INPP5D: variants seen among roughly 807,000 people sequenced by gnomAD.
The protein encoded by INPP5D is phosphatidylinositol 3,4,5-trisphosphate 5-phosphatase 1.
A neutral mutation model predicts 122.9 loss-of-function variants in INPP5D; 33 were observed. That is an observed-to-expected ratio of 0.27 (90% confidence interval 0.20 to 0.36). The LOEUF is 0.36. Ranked by LOEUF, INPP5D falls within the 10% of genes least tolerant of loss-of-function variation. The probability of loss-of-function intolerance (pLI) is 1.00; values close to 1 mark genes in which losing one functional copy is unlikely to be tolerated. For missense variants in INPP5D, 1,053 were observed against 1,412.7 expected, an observed-to-expected ratio of 0.75 and a Z score of 4.08; for synonymous variants, 584 against 576.2, an observed-to-expected ratio of 1.01 and a Z score of -0.19.
chr2:233,098,135 C>A (rs894114398), intron 2 of INPP5D, among the ~76,000 whole-genome samples: 5 of 152,112 alleles, frequency 3.3e-5, no homozygotes, highest in African/African-American at 4.8e-5. Flanking sequence ...TTAAGTGATC[C>A]ACCTGCCTCA....
At chr2:233,199,208 A>T (rs1438841131) in intron 25 of INPP5D, among the ~76,000 whole-genome samples, 1 of 149,140 alleles carries the variant, frequency 6.7e-6, no homozygotes, top group African/African-American at 2.5e-5. Context: ...ACTGCACTCC[A>T]GCCTGGGCAA....
At chr2:233,103,567 G>A (rs561459244) in intron 2 of INPP5D, among the ~76,000 whole-genome samples, 6 of 152,242 alleles carry the variant, frequency 3.9e-5, no homozygotes, top group African/African-American at 1.4e-4. Flanking sequence ...AGAACTTAGA[G>A]GAAGGAACCT....
intron 6 of INPP5D, chr2:233,140,804 G>A (rs1281112661): frequency 1.3e-5 from 2 of 152,220 alleles, no homozygotes; most frequent in Admixed American, 6.5e-5. Context: ...GAAGTGCTGG[G>A]ATTACAGGTG....
At chr2:233,086,121 C>CTTTCTTTCTTTCTTTCTT (rs1691828042) in intron 2 of INPP5D, among the ~76,000 whole-genome samples, 2 of 67,332 alleles carry the variant, frequency 3.0e-5, no homozygotes, top group African/African-American at 7.5e-5. Context: ...AAGATAGCCT[C>CTTTCTTTCTTTCTTTCTT]TTTCTTTCTT....
At chr2:233,103,279 G>A (rs571535370) in intron 2 of INPP5D, among the ~76,000 whole-genome samples, 1 of 152,352 alleles carries the variant, frequency 6.6e-6, no homozygotes, top group East Asian at 1.9e-4. Flanking sequence ...GTCAAAGTGA[G>A]CCCTGGGGTA....
Position 233,180,884 on chromosome 2 carries a change from G to T in INPP5D, c.2072-1526G>T, listed in dbSNP as rs192926976. Among the ~76,000 whole-genome samples the T allele has an allele frequency of 3.4e-3, 508 of 149,550 alleles. 21 individuals carry two copies. The highest frequency in any genetic ancestry group is 0.012 in the African/African-American group (480 of 39,332). ...AGACGGGGTTTTGCCATGTTGGCCA[G>T]GCTGATCTCGAACTCCTGGCCTCAA... On this transcript the variant is annotated intron_variant, in intron 18 of 26. Coordinates refer to ENST00000445964, the MANE Select transcript of INPP5D (RefSeq NM_001017915.3).
At chr2:233,144,259 TATG>T (rs2106276726) in intron 6 of INPP5D, among the ~76,000 whole-genome samples, 1 of 96,316 alleles carries the variant, frequency 1.0e-5, no homozygotes, top group Admixed American at 1.0e-4. Flanking sequence ...TGGTCATAAT[TATG>T]GTGGGAGTGG....
chr2:233,149,430 C>G (rs767497178), intron 9 of INPP5D, among the ~76,000 whole-genome samples: 2 of 152,058 alleles, frequency 1.3e-5, no homozygotes, highest in Non-Finnish European at 2.9e-5. Context: ...GTCGTATGCA[C>G]TAAGTATGGG....
At chr2:233,124,053 C>T (rs1305230655) in intron 3 of INPP5D, among the ~76,000 whole-genome samples, 71 of 151,840 alleles carry the variant, frequency 4.7e-4, no homozygotes, top group Non-Finnish European at 2.9e-5. Flanking sequence ...CAACAAACCC[C>T]ATGACATAAG....
At chr2:233,071,446 G>A (rs1691382460) in intron 1 of INPP5D, among the ~76,000 whole-genome samples, 1 of 151,956 alleles carries the variant, frequency 6.6e-6, no homozygotes, top group African/African-American at 2.4e-5. Flanking sequence ...TCTGTTCCAT[G>A]TATATCTGCT....
At chr2:233,129,836 G>C (rs957840279) in intron 4 of INPP5D, among the ~76,000 whole-genome samples, 2 of 151,970 alleles carry the variant, frequency 1.3e-5, no homozygotes, top group Admixed American at 6.6e-5. Flanking sequence ...AAGTAGATAA[G>C]GTAGGAAAAC....
intron 13 of INPP5D, chr2:233,169,055 G>A: frequency 2.1e-6 from 1 of 487,026 alleles, no homozygotes; most frequent in Non-Finnish European, 3.7e-6. Context: ...GAGATGCCGG[G>A]GGAGGATCGC....
In INPP5D at chr2:233,082,745, A is replaced by T. The variant is rs1048564519; in HGVS notation, c.198+3347A>T. ...TCCATCTTTCACAGACTTAAAAAAA[A>T]TCCGAGATGGGAGGGCAGGATGCAA... On this transcript the variant is annotated intron_variant, in intron 2 of 26. Transcript: ENST00000445964. This position sits in a 1 kb window ranked among gnomAD's most constrained non-coding sequence, Gnocchi z 4.7. Among the ~76,000 whole-genome samples, 13 of 152,216 alleles carry T rather than the reference A, an allele frequency of 8.5e-5. No individual in the cohort carries two copies. The highest frequency in any genetic ancestry group is 3.3e-4 in the Admixed American group (5 of 15,280).
At chr2:233,121,980 G>A in intron 2 of INPP5D, 127 bp from the exon 3 acceptor site, 1 of 1,069,684 alleles carries the variant, frequency 9.3e-7, no homozygotes, top group Non-Finnish European at 1.4e-6. Flanking sequence ...CTGCGTAGGA[G>A]CCCAAGGCTT....
chr2:233,117,436 G>C (rs1574740252), intron 2 of INPP5D, among the ~76,000 whole-genome samples: 1 of 152,174 alleles, frequency 6.6e-6, no homozygotes, highest in South Asian at 2.1e-4. Context: ...TTGGCCAATG[G>C]GAGCCGCAGC....
chr2:233,115,333 C>T (rs572398219), intron 2 of INPP5D, among the ~76,000 whole-genome samples: 32 of 152,310 alleles, frequency 2.1e-4, no homozygotes, highest in African/African-American at 7.2e-4. Context: ...TCCTGTTTCA[C>T]GCCTCATTTA....
chr2:233,089,800 C>A (rs942268156), intron 2 of INPP5D, among the ~76,000 whole-genome samples: 1 of 152,174 alleles, frequency 6.6e-6, no homozygotes, highest in Admixed American at 6.5e-5. Flanking sequence ...GTCTAGAGAC[C>A]AATGACAAGC....
Position 233,182,432 on chromosome 2 carries a change from G to A in INPP5D, c.2094G>A (p.Thr698=), listed in dbSNP as rs759497603. ...QSYGSTSDIM[T]SDHSPVFATF... ...CAGGCAGTACCAGCGACATCATGACGAGTGACCACAGCCCTGTCTTTGCCA... is the reference window on the plus strand; with the variant it reads ...CAGGCAGTACCAGCGACATCATGACAAGTGACCACAGCCCTGTCTTTGCCA... The change falls in exon 19 of 27, where the codon ACG becomes ACA. Residue 698 remains threonine, a synonymous_variant. Coordinates refer to ENST00000445964, the MANE Select transcript of INPP5D (RefSeq NM_001017915.3). 22 of 1,613,592 alleles carry A rather than the reference G, an allele frequency of 1.4e-5. No homozygotes were observed. Among genetic ancestry groups the A allele is most frequent in the Admixed American group, 1.3e-4 (8 of 59,998 alleles).
intron 10 of INPP5D, 122 bp from the exon 11 acceptor site, chr2:233,161,602 C>T (rs1412459402): frequency 7.4e-6 from 10 of 1,353,106 alleles, no homozygotes; most frequent in Admixed American, 2.9e-5. Context: ...AGGTTGCTGT[C>T]CTGGAAGTTC....
Sources: allele counts gnomAD v4.1 joint callset (sites outside exome capture counted in the v4.1 genomes callset), GRCh38; gene constraint gnomAD v4.1.1; non-coding constraint Gnocchi (gnomAD v3.1); transcripts MANE v1.5; gene names NCBI Gene and HGNC (gene_info 2026-07-23, HGNC 2026-07-21).